SNTG1: variants seen among roughly 807,000 people sequenced by gnomAD.
SNTG1 encodes syntrophin gamma 1.
In SNTG1, 39 loss-of-function variants were observed where a neutral mutation model predicts 74.7. The ratio of observed to expected loss-of-function variants is 0.52; its 90% confidence interval spans 0.40 to 0.68. SNTG1 has a LOEUF of 0.68. Ranked by LOEUF, SNTG1 falls within the 30% of genes least tolerant of loss-of-function variation. The pLI, the probability that SNTG1 is intolerant of heterozygous loss-of-function variation, is 0.00. For synonymous variants in SNTG1, 254 were observed against 217.1 expected (o/e 1.17, Z -1.49); for missense variants, 685 against 609.5 (o/e 1.12, Z -1.30).
chr8:50,044,282 G>A (rs890624921), intron 1 of SNTG1, among the ~76,000 whole-genome samples: 1 of 152,174 alleles, frequency 6.6e-6, no homozygotes, highest in African/African-American at 2.4e-5. Context: ...AGAATTATCA[G>A]ATAAGTAAGG....
rs549672864 is a variant in SNTG1 at position 50,301,862 on chromosome 8, G to GTT, written c.-27-92339_-27-92338dup. ...TTTTTGTTTTCTGTTTTTGTTTTTT[G>GTT]TTTTTTTTTTTTGAGACAGAGTCTC... On this transcript the variant is annotated intron_variant, in intron 2 of 18. Coordinates refer to ENST00000642720, the MANE Select transcript of SNTG1 (RefSeq NM_018967.5). 1.7e-3 allele frequency among the ~76,000 whole-genome samples: 177 copies of GTT among 105,152 alleles called. 1 individual carries two copies. The highest frequency in any genetic ancestry group is 4.3e-3 in the African/African-American group (162 of 37,354). 69.0% of individuals were successfully genotyped at this position (105,152 alleles called of 152,430 possible).
At chr8:50,688,632 C>T (rs1012529871) in intron 15 of SNTG1, among the ~76,000 whole-genome samples, 1 of 152,108 alleles carries the variant, frequency 6.6e-6, no homozygotes, top group Non-Finnish European at 1.5e-5. Flanking sequence ...GTTTTGGTAC[C>T]AGTACCATGC....
At chr8:50,139,711 C>T (rs2081593750) in intron 1 of SNTG1, among the ~76,000 whole-genome samples, 1 of 152,218 alleles carries the variant, frequency 6.6e-6, no homozygotes, top group South Asian at 2.1e-4. Context: ...CTAGAATTAT[C>T]TTAATGCACT....
intron 11 of SNTG1, among the ~76,000 whole-genome samples, chr8:50,547,920 G>A (rs373248135): frequency 1.2e-4 from 19 of 152,106 alleles, no homozygotes; most frequent in Non-Finnish European, 2.4e-4. Context: ...AGGAATAAAA[G>A]GACAGAGAAA....
intron 2 of SNTG1, among the ~76,000 whole-genome samples, chr8:50,307,160 A>G (rs993349384): frequency 5.9e-5 from 9 of 152,038 alleles, no homozygotes; most frequent in African/African-American, 2.2e-4. Flanking sequence ...GCTCTTGGCT[A>G]TTATGAATAG....
At chr8:50,664,220 G>A (rs752327710) in intron 15 of SNTG1, among the ~76,000 whole-genome samples, 9 of 152,254 alleles carry the variant, frequency 5.9e-5, no homozygotes, top group Non-Finnish European at 1.3e-4. Flanking sequence ...GTTATAGCAC[G>A]GAGTACATTT....
At chr8:50,445,571 GAGCT>G (rs2093399139) in intron 5 of SNTG1, among the ~76,000 whole-genome samples, 1 of 152,148 alleles carries the variant, frequency 6.6e-6, no homozygotes. Context: ...TCTTCCTACA[GAGCT>G]AGCTATAAAA....
At chr8:50,084,434 T>C (rs1008445699) in intron 1 of SNTG1, among the ~76,000 whole-genome samples, 30 of 152,058 alleles carry the variant, frequency 2.0e-4, no homozygotes, top group African/African-American at 6.8e-4. Context: ...CACTCCAGCC[T>C]GGTGACAGAG....
intron 11 of SNTG1, among the ~76,000 whole-genome samples, chr8:50,543,717 T>A (rs955775206): frequency 6.6e-6 from 1 of 152,124 alleles, no homozygotes; most frequent in Non-Finnish European, 1.5e-5. Flanking sequence ...AAAAGTGCAA[T>A]GAATGGATTA....
intron 2 of SNTG1, among the ~76,000 whole-genome samples, chr8:50,244,678 C>T (rs1369207058): frequency 6.6e-6 from 1 of 152,152 alleles, no homozygotes; most frequent in Non-Finnish European, 1.5e-5. Flanking sequence ...CAGACATTCT[C>T]ATGGGCTCCA....
chr8:50,690,587 G>T (rs1409119885), intron 15 of SNTG1, among the ~76,000 whole-genome samples: 1 of 152,100 alleles, frequency 6.6e-6, no homozygotes, highest in African/African-American at 2.4e-5. Flanking sequence ...CTGAGTTCTA[G>T]TTTGATTGCA....
intron 4 of SNTG1, among the ~76,000 whole-genome samples, chr8:50,432,333 G>A (rs1295318408): frequency 6.7e-6 from 1 of 149,412 alleles, no homozygotes; most frequent in South Asian, 2.1e-4. Context: ...CTACTTTTTT[G>A]TTTCCTTTTT....
intron 2 of SNTG1, among the ~76,000 whole-genome samples, chr8:50,259,862 G>A (rs1204213939): frequency 2.6e-5 from 4 of 152,068 alleles, no homozygotes; most frequent in Admixed American, 6.5e-5. Context: ...TATAAACCTA[G>A]GAGAAGAAAT....
At position 50,084,410 on chromosome 8, in the gene SNTG1, A is replaced by G. The variant is rs73573511; in HGVS notation, c.-102-88151A>G. On this transcript the variant is annotated intron_variant, in intron 1 of 18. Transcript: ENST00000642720. Reference sequence around the variant, plus strand: ...TGAAGGCGGAGGTTGCAGTGAGCCTAGGTCACACCACTGCACTCCAGCCTG... The same window carrying G: ...TGAAGGCGGAGGTTGCAGTGAGCCTGGGTCACACCACTGCACTCCAGCCTG... 9.5e-3 allele frequency among the ~76,000 whole-genome samples: 1,444 copies of G among 152,296 alleles called. 28 individuals are homozygous for G. The highest frequency in any genetic ancestry group is 0.032 in the African/African-American group (1,311 of 41,564).
chr8:50,043,796 C>T (rs921241522), intron 1 of SNTG1, among the ~76,000 whole-genome samples: 10 of 152,124 alleles, frequency 6.6e-5, no homozygotes, highest in East Asian at 3.9e-4. Context: ...CACTCTTGTG[C>T]GTGCACACAC....
intron 2 of SNTG1, among the ~76,000 whole-genome samples, chr8:50,191,423 G>A (rs549265721): frequency 4.6e-5 from 7 of 152,254 alleles, no homozygotes; most frequent in African/African-American, 1.7e-4. Flanking sequence ...GAATCAGTAA[G>A]TAGTGTTCCA....
chr8:50,424,195 T>G (rs1175415711), intron 4 of SNTG1, among the ~76,000 whole-genome samples: 12 of 152,108 alleles, frequency 7.9e-5, no homozygotes, highest in Admixed American at 7.2e-4. Context: ...CATGGAGAGA[T>G]AGCGATATGT....
At chr8:50,129,581 G>T (rs146943714) in intron 1 of SNTG1, among the ~76,000 whole-genome samples, 29 of 152,224 alleles carry the variant, frequency 1.9e-4, no homozygotes, top group South Asian at 1.0e-3. Context: ...GGATCTGTGG[G>T]TTTGGATTCA....
intron 18 of SNTG1, among the ~76,000 whole-genome samples, chr8:50,781,100 T>G (rs1344380108): frequency 2.0e-5 from 3 of 152,224 alleles, no homozygotes; most frequent in Non-Finnish European, 4.4e-5. Context: ...CTTTTACATT[T>G]GCTGAGGAGA....
Sources: allele counts gnomAD v4.1 joint callset (sites outside exome capture counted in the v4.1 genomes callset), GRCh38; gene constraint gnomAD v4.1.1; transcripts MANE v1.5; gene names NCBI Gene and HGNC (gene_info 2026-07-23, HGNC 2026-07-21).